The following VPS8 variants were observed in gnomAD, a reference collection of about 807,000 sequenced individuals.
VPS8 encodes the protein vacuolar protein sorting-associated protein 8 homolog.
Under a neutral mutation model 216.4 loss-of-function variants are expected in VPS8, and 129 were observed. That is an observed-to-expected ratio of 0.60 (90% CI 0.52 to 0.69). The LOEUF is 0.69. Ranked by LOEUF, VPS8 falls within the 30% of genes least tolerant of loss-of-function variation. The pLI, the probability that VPS8 is intolerant of heterozygous loss-of-function variation, is 0.00. For synonymous variants in VPS8, 571 were observed against 565.4 expected, an observed-to-expected ratio of 1.01 and a Z score of -0.14; for missense variants, 1,531 against 1,683.5, an observed-to-expected ratio of 0.91 and a Z score of 1.59.
intron 8 of VPS8, among the ~76,000 whole-genome samples, chr3:184,846,567 C>T (rs764935096): frequency 6.6e-6 from 1 of 152,208 alleles, no homozygotes; most frequent in Non-Finnish European, 1.5e-5. Flanking sequence ...TAGTGAGAGT[C>T]TTTAAGTATT....
At chr3:184,876,422 C>T (rs1202070391) in intron 21 of VPS8, among the ~76,000 whole-genome samples, 1 of 151,906 alleles carries the variant, frequency 6.6e-6, no homozygotes, top group Non-Finnish European at 1.5e-5. Flanking sequence ...GATTTGTAGT[C>T]AGCTTTCAAG....
At chr3:184,842,186 C>CAAAA (rs71162267) in intron 7 of VPS8, among the ~76,000 whole-genome samples, 1,255 of 48,934 alleles carry the variant, frequency 0.026, 248 homozygotes, top group African/African-American at 0.11. Context: ...GACTCCGTCT[C>CAAAA]AAAAAAAAAA....
rs142922701 is a variant in VPS8, at chr3:185,048,443, G to A, written c.4057-36G>A. On this transcript the variant is annotated intron_variant, in intron 46 of 47. Transcript: ENST00000625842. ...GCAAGTTGAGAGGCTGCCTAGCCAC[G>A]TGATGTTGTTAATCGTATCGGTTTT... The A allele has an allele frequency of 7.8e-5, 125 of 1,607,454 alleles. No homozygotes were observed. In the Middle Eastern group the frequency reaches 9.9e-4, roughly 13 times the overall value.
chr3:184,984,118 A>G (rs1248465728), intron 42 of VPS8, among the ~76,000 whole-genome samples: 2 of 129,090 alleles, frequency 1.5e-5, no homozygotes, highest in Non-Finnish European at 3.2e-5. Context: ...CGGGAGGCAG[A>G]GTTTGCAGTG....
intron 37 of VPS8, 33 bp from the exon 38 acceptor site, chr3:184,964,435 T>G: frequency 7.4e-7 from 1 of 1,353,758 alleles, no homozygotes; most frequent in South Asian, 1.6e-5. Context: ...ATAAGATTGG[T>G]GAATAAAAAT....
chr3:185,052,152 T>C lies in VPS8; in HGVS notation c.*127T>C, dbSNP rs1714392367. 1.8e-6 allele frequency: 2 copies of C among 1,121,970 alleles called. No individual in the cohort carries two copies. Among genetic ancestry groups the C allele is most frequent in the Non-Finnish European group, 2.4e-6 (2 of 818,064 alleles). The allele number at this position is 1,121,970 out of a possible 1,614,324, so 69.5% of individuals were successfully genotyped here. ...TCTGAGAAGAGGTTCCAAATTGGGC[T>C]TCTGTGCCCAGAGCGTCCACAGCAC... On this transcript the variant is annotated 3_prime_UTR_variant, in exon 48 of 48. Coordinates refer to ENST00000625842, the MANE Select transcript of VPS8 (RefSeq NM_001009921.3).
At chr3:185,008,486 T>C (rs537480487) in intron 45 of VPS8, among the ~76,000 whole-genome samples, 22 of 152,246 alleles carry the variant, frequency 1.4e-4, no homozygotes, top group African/African-American at 4.8e-4. Context: ...ATATCAAATA[T>C]ATAGCTTCAA....
chr3:184,904,487 T>A (rs1247931174), intron 25 of VPS8, among the ~76,000 whole-genome samples: 1 of 152,250 alleles, frequency 6.6e-6, no homozygotes, highest in Non-Finnish European at 1.5e-5. Flanking sequence ...TTTATTGATA[T>A]GATCTGTTTA....
At chr3:184,972,397 T>C (rs1294905536) in intron 40 of VPS8, among the ~76,000 whole-genome samples, 3 of 152,140 alleles carry the variant, frequency 2.0e-5, no homozygotes, top group African/African-American at 7.2e-5. Context: ...CTATTCCCTG[T>C]GGTGAAAGTA....
chr3:184,918,748 G>T (rs567237569), intron 28 of VPS8, among the ~76,000 whole-genome samples: 1 of 152,268 alleles, frequency 6.6e-6, no homozygotes, highest in Non-Finnish European at 1.5e-5. Context: ...TTATATTAGT[G>T]GATGGTACCT....
At chr3:184,875,056 CTTTTTTTTTT>C (rs5855044) in intron 21 of VPS8, among the ~76,000 whole-genome samples, 1 of 100,290 alleles carries the variant, frequency 1.0e-5, no homozygotes, top group Non-Finnish European at 1.9e-5. Context: ...GTTTTTAAAA[CTTTTTTTTTT>C]TTTTTTTTTT....
intron 21 of VPS8, among the ~76,000 whole-genome samples, chr3:184,879,882 A>G (rs1010093455): frequency 2.0e-5 from 3 of 152,152 alleles, no homozygotes; most frequent in Non-Finnish European, 4.4e-5. Context: ...CTGTAATCTG[A>G]TTCTGGGAAG....
At chr3:184,984,793 TG>T (rs1750812007) in intron 42 of VPS8, among the ~76,000 whole-genome samples, 1 of 152,150 alleles carries the variant, frequency 6.6e-6, no homozygotes, top group Non-Finnish European at 1.5e-5. Context: ...TAAAGCCAAA[TG>T]GGTTCTCTCT....
Position 184,957,392 on chromosome 3 carries a change from T to A in VPS8, c.3054T>A (p.Asn1018Lys). The change falls in exon 37 of 48, where the codon AAT becomes AAA. Residue 1018 changes from asparagine to lysine, a missense_variant. Physicochemically the swap from Asn to Lys is moderately conservative, Grantham distance 94 (BLOSUM62 0). Transcript: ENST00000625842. ...TTTTTAGGGAAGGTATTCATGTAAATCAAGAATTACTGCAAATATCTCCTT... is the reference window on the plus strand; with the variant it reads ...TTTTTAGGGAAGGTATTCATGTAAAACAAGAATTACTGCAAATATCTCCTT... ...LLDPREGIHV[N>K]QELLQISPCI... The A allele has an allele frequency of 6.2e-7, 1 of 1,610,184 alleles. No homozygotes were observed. The highest frequency in any genetic ancestry group is 1.7e-5 in the Admixed American group (1 of 59,442).
At chr3:184,922,678 G>C (rs1192597992) in intron 29 of VPS8, among the ~76,000 whole-genome samples, 16 of 152,162 alleles carry the variant, frequency 1.1e-4, no homozygotes, top group Admixed American at 1.0e-3. Context: ...TCTAGTGCTA[G>C]AGATGTGCTA....
chr3:184,837,099 A>G (rs1027615382), intron 5 of VPS8, among the ~76,000 whole-genome samples: 3 of 152,206 alleles, frequency 2.0e-5, no homozygotes, highest in African/African-American at 4.8e-5. Context: ...TCCCGAGCAT[A>G]CAGGCATCCC....
rs756002047 is a variant in VPS8, at chr3:184,834,683, G to A, written c.388G>A (p.Gly130Arg). ...KKLPDSFSLHGSVMRHSLLKG... is the reference protein window; with the variant it reads ...KKLPDSFSLHRSVMRHSLLKG... The stretch of plus-strand genomic sequence containing the variant: ...ATTACCTGATTCTTTTTCACTTCAT[G>A]GATCAGTTATGCGCCATTCACTTTT... Residue 130 changes from glycine (G) to arginine (R), a missense_variant, in exon 5 of 48, where the codon GGA becomes AGA. Physicochemically the swap from Gly to Arg is moderately radical, Grantham distance 125. Coordinates refer to ENST00000625842, the MANE Select transcript of VPS8 (RefSeq NM_001009921.3). 6.4e-7 allele frequency: 1 copy of A among 1,554,318 alleles called. No individual in the cohort carries two copies.
intron 40 of VPS8, 135 bp downstream of exon 40, chr3:184,971,887 C>A: frequency 4.7e-6 from 3 of 636,576 alleles, no homozygotes; most frequent in South Asian, 1.7e-5. Flanking sequence ...CCAGCCTGAC[C>A]AACATGGAGA....
chr3:185,016,609 T>C (rs1452415806), intron 45 of VPS8, among the ~76,000 whole-genome samples: 1 of 152,218 alleles, frequency 6.6e-6, no homozygotes, highest in Non-Finnish European at 1.5e-5. Flanking sequence ...CTTTTAAATC[T>C]ATGACTATTA....
Sources: gnomAD v4.1 joint callset for allele counts (sites outside exome capture counted in the v4.1 genomes callset) on GRCh38, gnomAD v4.1.1 for gene constraint, MANE v1.5 for transcripts, NCBI Gene and HGNC (gene_info 2026-07-23, HGNC 2026-07-21) for gene names.